Variants in MTDH observed in about 807,000 individuals in gnomAD.
The protein encoded by MTDH is metadherin, also known as protein LYRIC.
MTDH carries 34 observed loss-of-function variants against 72.7 expected under a neutral mutation model. The ratio of observed to expected loss-of-function variants is 0.47; its 90% CI spans 0.36 to 0.62. MTDH has a LOEUF of 0.62. Ranked by LOEUF, MTDH falls within the 20% of genes least tolerant of loss-of-function variation. The pLI is 0.00. For missense variants in MTDH, 677 were observed against 699.4 expected (o/e 0.97, Z 0.36); for synonymous variants, 266 against 268.9 (o/e 0.99, Z 0.10).
rs1815356974 is a variant in MTDH, at chr8:97,726,502, TGGTCTGTGC to T, written c.*1833_*1841del. On this transcript the variant is annotated 3_prime_UTR_variant, in exon 12 of 12. Transcript: ENST00000336273. ...GAATCTAATTTTAGAATGTGCCAAATGGTCTGTGCTCAACAATATAATTGAACTCTCTCA... is the reference window on the plus strand; with the variant it reads ...GAATCTAATTTTAGAATGTGCCAAATTCAACAATATAATTGAACTCTCTCA... 1 of 152,242 alleles carries T rather than the reference TGGTCTGTGC, an allele frequency of 6.6e-6. No individual in the cohort carries two copies. The highest frequency in any genetic ancestry group is 1.5e-5 in the Non-Finnish European group (1 of 68,046). 9.4% of individuals were successfully genotyped at this position (152,242 alleles called of 1,614,324 possible).
Position 97,691,366 on chromosome 8 carries a change from GTAAA to G in MTDH, c.1048+182_1048+185del, listed in dbSNP as rs553169982. The stretch of plus-strand genomic sequence containing the variant: ...GTAGAGCAAGGTGGGAATTAAATAA[GTAAA>G]TAACATCATTTACTCTTTACATAGT... On this transcript the variant is annotated intron_variant, in intron 6 of 11. Transcript: ENST00000336273. 1.4e-4 allele frequency among the ~76,000 whole-genome samples: 21 copies of G among 152,212 alleles called. No homozygotes were observed. In the South Asian group the frequency reaches 2.7e-3, roughly 20 times the overall value.
At chr8:97,667,078 C>T (rs1234090314) in intron 2 of MTDH, among the ~76,000 whole-genome samples, 8 of 152,172 alleles carry the variant, frequency 5.3e-5, no homozygotes, top group African/African-American at 1.4e-4. Context: ...GCAGCCTCGA[C>T]CTCCCAGGCT....
intron 2 of MTDH, among the ~76,000 whole-genome samples, chr8:97,668,539 TCAG>T (rs2130950609): frequency 6.6e-6 from 1 of 151,936 alleles, no homozygotes; most frequent in South Asian, 2.1e-4. Flanking sequence ...TGATGCAATT[TCAG>T]ATTCCACACT....
intron 8 of MTDH, among the ~76,000 whole-genome samples, chr8:97,707,781 A>G (rs1240073688): frequency 6.6e-6 from 1 of 151,904 alleles, no homozygotes; most frequent in Non-Finnish European, 1.5e-5. Context: ...GCACAGTGGC[A>G]TACACCTGGT....
intron 8 of MTDH, among the ~76,000 whole-genome samples, chr8:97,713,173 C>T (rs1814703394): frequency 6.6e-6 from 1 of 152,172 alleles, no homozygotes; most frequent in African/African-American, 2.4e-5. Flanking sequence ...CAAGCTCCGC[C>T]TCCTGGGTTC....
chr8:97,669,360 C>A (rs998626183), intron 2 of MTDH, among the ~76,000 whole-genome samples: 6 of 151,972 alleles, frequency 3.9e-5, no homozygotes, highest in Admixed American at 1.3e-4. Context: ...GTTAGCCAGG[C>A]TGGTCTAGAA....
intron 6 of MTDH, among the ~76,000 whole-genome samples, chr8:97,698,421 A>G (rs1813963518): frequency 1.3e-5 from 2 of 152,212 alleles, no homozygotes; most frequent in African/African-American, 2.4e-5. Context: ...CCCCAAAACT[A>G]TATGCAGAAT....
Position 97,644,801 on chromosome 8 carries a change from G to A in MTDH, c.295G>A (p.Ala99Thr). ...REEAAAVPAA[A>T]PDDLALLKNL... is the part of the protein sequence containing the mutation. The stretch of plus-strand genomic sequence containing the variant: ...GGAGGCGGCGGCCGTGCCGGCCGCG[G>A]CCCCCGACGACCTGGCCTTGCTGAA... Residue 99 changes from alanine to threonine, a missense_variant, in exon 1 of 12, where the codon GCC becomes ACC. Ala to Thr is a moderately conservative substitution (Grantham distance 58). This residue lies in a region of MTDH where 467 missense variants were observed against 469.1 expected (regional missense o/e 1.00). Coordinates refer to ENST00000336273, the MANE Select transcript of MTDH (RefSeq NM_178812.4). The A allele has an allele frequency of 1.3e-6, 2 of 1,558,320 alleles. No homozygotes were observed. Among genetic ancestry groups the A allele is most frequent in the East Asian group, 2.5e-5 (1 of 40,532 alleles).
chr8:97,663,988 G>A (rs1812276902), intron 2 of MTDH, among the ~76,000 whole-genome samples: 1 of 152,086 alleles, frequency 6.6e-6, no homozygotes, highest in Non-Finnish European at 1.5e-5. Context: ...CAGAAACTCT[G>A]CCAGGCAGAT....
intron 2 of MTDH, among the ~76,000 whole-genome samples, chr8:97,682,517 T>C (rs1455248851): frequency 6.6e-6 from 1 of 150,850 alleles, no homozygotes; most frequent in African/African-American, 2.4e-5. Context: ...CCAAGGCTGG[T>C]TTCAAATTCC....
intron 8 of MTDH, among the ~76,000 whole-genome samples, chr8:97,713,336 C>T (rs1038702937): frequency 2.6e-5 from 4 of 152,132 alleles, no homozygotes; most frequent in African/African-American, 4.8e-5. Context: ...CCGCCCGCCT[C>T]GGCCTCCCAA....
At chr8:97,669,959 G>A (rs919690554) in intron 2 of MTDH, among the ~76,000 whole-genome samples, 14 of 151,144 alleles carry the variant, frequency 9.3e-5, no homozygotes, top group Middle Eastern at 3.2e-3. Context: ...TTCTACTTGC[G>A]TTTCTGTGTA....
chr8:97,652,103 C>T (rs1187766583), intron 1 of MTDH, among the ~76,000 whole-genome samples: 1 of 152,212 alleles, frequency 6.6e-6, no homozygotes, highest in Non-Finnish European at 1.5e-5. Flanking sequence ...CTTCCTTTTA[C>T]TGCATCCAGT....
In MTDH at chr8:97,710,609, A is replaced by G. The variant is rs1169082748; in HGVS notation, c.1273-3053A>G. 1.6e-4 allele frequency among the ~76,000 whole-genome samples: 23 copies of G among 145,696 alleles called. No individual in the cohort carries two copies. The Admixed American group carries it at 1.6e-3, about 10-fold the overall frequency. On this transcript the variant is annotated intron_variant, in intron 8 of 11. Transcript: ENST00000336273. ...GCTACTTGGGAGGCTGAGGCACAAG[A>G]CTCGCTTGAACTGGGAGGCAGAGGT...
At position 97,687,564 on chromosome 8, in the gene MTDH, T is replaced by C; in HGVS notation, c.704T>C (p.Leu235Pro). ...ENTITVTTEQ[L>P]TTASFPVGSK... ...ACCATCACAGTTACCACCGAGCAAC[T>C]TACAACCGCATCATTTCCTGTTGGT... Residue 235 changes from leucine (L) to proline (P), a missense_variant, in exon 4 of 12, where the codon CTT becomes CCT. Leu to Pro is a moderately conservative substitution (Grantham distance 98). Around this residue, in one of 3 missense-constraint regions of MTDH, gnomAD observed 467 missense variants for 469.1 expected, o/e 1.00. Transcript: ENST00000336273. The C allele has an allele frequency of 6.2e-7, 1 of 1,611,992 alleles. No individual in the cohort carries two copies. Among genetic ancestry groups the C allele is most frequent in the Non-Finnish European group, 8.5e-7 (1 of 1,179,172 alleles).
At chr8:97,699,657 A>AAAATTTCTCCT (rs1814021249) in intron 6 of MTDH, 97 bp from the exon 7 acceptor site, 1 of 657,022 alleles carries the variant, frequency 1.5e-6, no homozygotes, top group Non-Finnish European at 2.5e-6. Flanking sequence ...GAGAAATTTT[A>AAAATTTCTCCT]AAAATAAAGT....
intron 10 of MTDH, 92 bp from the exon 11 acceptor site, chr8:97,722,787 T>G: frequency 7.7e-7 from 1 of 1,298,612 alleles, no homozygotes; most frequent in South Asian, 1.5e-5. Context: ...AGTATTGAAT[T>G]GCTGCTAAAC....
At chr8:97,702,330 AC>A (rs1414957824) in intron 7 of MTDH, among the ~76,000 whole-genome samples, 1 of 152,182 alleles carries the variant, frequency 6.6e-6, no homozygotes, top group Non-Finnish European at 1.5e-5. Flanking sequence ...AGGACAGACT[AC>A]CTGGGTTTCA....
chr8:97,672,887 G>A (rs61547978), intron 2 of MTDH, among the ~76,000 whole-genome samples: 5 of 152,274 alleles, frequency 3.3e-5, no homozygotes, highest in East Asian at 3.9e-4. Context: ...TGCTTGTGCC[G>A]TGTGCTATGT....
Sources: allele counts gnomAD v4.1 joint callset (sites outside exome capture counted in the v4.1 genomes callset), GRCh38; gene constraint gnomAD v4.1.1; regional missense constraint gnomAD v4.1.1; transcripts MANE v1.5; gene names NCBI Gene and HGNC (gene_info 2026-07-23, HGNC 2026-07-21).